Variants in RETREG1 observed in about 807,000 individuals in gnomAD.
RETREG1 encodes the protein family with sequence similarity 134 member B.
A neutral mutation model predicts 54.8 loss-of-function variants in RETREG1; 44 were observed. The observed-to-expected ratio is 0.80, with a 90% CI of 0.63 to 1.03. RETREG1 has a LOEUF of 1.03. Ranked by LOEUF, RETREG1 falls within the 50% of genes least tolerant of loss-of-function variation. The pLI, the probability that RETREG1 is intolerant of heterozygous loss-of-function variation, is 0.00. For synonymous variants in RETREG1, 217 were observed against 238.5 expected (o/e 0.91, Z 0.83); for missense variants, 554 against 605.1 (o/e 0.92, Z 0.89).
intron 3 of RETREG1, among the ~76,000 whole-genome samples, chr5:16,520,336 T>G (rs982608349): frequency 1.6e-4 from 25 of 152,094 alleles, no homozygotes; most frequent in Non-Finnish European, 2.8e-4. Context: ...TTGTTGTTGT[T>G]GTTGTTTTTT....
intron 1 of RETREG1, among the ~76,000 whole-genome samples, chr5:16,581,562 CACAAA>C (rs1468578771): frequency 7.4e-6 from 1 of 134,348 alleles, no homozygotes; most frequent in African/African-American, 2.7e-5. Context: ...CACACACACA[CACAAA>C]ACACACACAC....
chr5:16,610,576 C>T (rs1743313518), intron 1 of RETREG1, among the ~76,000 whole-genome samples: 2 of 152,078 alleles, frequency 1.3e-5, no homozygotes, highest in South Asian at 4.1e-4. Context: ...AATCGAACAA[C>T]CCCATCAAAA....
Position 16,483,137 on chromosome 5 carries a change from C to G in RETREG1, c.585+209G>C, listed in dbSNP as rs956249916. On this transcript the variant is annotated intron_variant, in intron 4 of 8. Transcript: ENST00000306320. ...GATAAATATATATAAAATGTAAAAC[C>G]AATCCAATTTCACAATGTGAGGCTG... 7.0e-6 allele frequency: 4 copies of G among 569,492 alleles called. No homozygotes were observed. The Admixed American group carries it at 1.2e-4, about 18-fold the overall frequency. 35.3% of individuals were successfully genotyped at this position (569,492 alleles called of 1,614,324 possible).
At position 16,478,137 on chromosome 5, in the gene RETREG1, C is replaced by A. The variant is rs373035182; in HGVS notation, c.809-39G>T. 74 of 1,347,004 alleles carry A rather than the reference C, an allele frequency of 5.5e-5. No individual in the cohort carries two copies. The African/African-American group carries it at 9.2e-4, about 17-fold the overall frequency. 83.4% of individuals were successfully genotyped at this position (1,347,004 alleles called of 1,614,324 possible). Reference sequence around the variant, plus strand: ...AATTTGGAAGCTTTCAGTTTCCTAGCCAACTCAGACATAGTGCATTTATTT... The same window carrying A: ...AATTTGGAAGCTTTCAGTTTCCTAGACAACTCAGACATAGTGCATTTATTT... On this transcript the variant is annotated intron_variant, in intron 6 of 8. Coordinates refer to ENST00000306320, the MANE Select transcript of RETREG1 (RefSeq NM_001034850.3).
chr5:16,480,004 A>G (rs1363512738), intron 5 of RETREG1, among the ~76,000 whole-genome samples: 1 of 152,068 alleles, frequency 6.6e-6, no homozygotes, highest in Non-Finnish European at 1.5e-5. Flanking sequence ...ACATGTATTT[A>G]AAGTGTACAA....
At chr5:16,600,531 G>GTGTT (rs1193540697) in intron 1 of RETREG1, among the ~76,000 whole-genome samples, 1 of 152,200 alleles carries the variant, frequency 6.6e-6, no homozygotes. Flanking sequence ...GGACCCCCAC[G>GTGTT]TGTTCATCAT....
rs188184627 is a variant in RETREG1, at chr5:16,584,435, A to G, written c.321-12333T>C. The stretch of plus-strand genomic sequence containing the variant: ...TGATTTTAAAAAATGAAATATATAT[A>G]ACTGTAGACCTAGCCCTAAACTGAG... On this transcript the variant is annotated intron_variant, in intron 1 of 8. Transcript: ENST00000306320. 4.0e-3 allele frequency among the ~76,000 whole-genome samples: 606 copies of G among 152,356 alleles called. 5 individuals are homozygous for G. The highest frequency in any genetic ancestry group is 0.014 in the African/African-American group (574 of 41,582).
chr5:16,492,221 TCTCTCTCTCA>T (rs1739275536), intron 3 of RETREG1, among the ~76,000 whole-genome samples: 1 of 137,512 alleles, frequency 7.3e-6, no homozygotes, highest in South Asian at 2.3e-4. Flanking sequence ...TCTCTCTCTC[TCTCTCTCTCA>T]CACACACACA....
intron 3 of RETREG1, among the ~76,000 whole-genome samples, chr5:16,495,104 G>GT (rs1739402292): frequency 6.6e-6 from 1 of 152,144 alleles, no homozygotes; most frequent in Non-Finnish European, 1.5e-5. Context: ...GATGATTTAG[G>GT]TATCTGGTGG....
intron 3 of RETREG1, among the ~76,000 whole-genome samples, chr5:16,548,964 G>C (rs1741460100): frequency 6.6e-6 from 1 of 152,206 alleles, no homozygotes; most frequent in Admixed American, 6.5e-5. Context: ...GCAAAATCTA[G>C]GTGGTGAGTA....
intron 3 of RETREG1, among the ~76,000 whole-genome samples, chr5:16,533,756 G>A (rs774419964): frequency 4.6e-5 from 7 of 152,156 alleles, no homozygotes; most frequent in Admixed American, 3.9e-4. Context: ...GGTCATAAAT[G>A]TTACCCAAAT....
intron 3 of RETREG1, among the ~76,000 whole-genome samples, chr5:16,496,707 T>A (rs947280064): frequency 6.6e-6 from 1 of 152,204 alleles, no homozygotes; most frequent in Non-Finnish European, 1.5e-5. Context: ...ATTTCATCAG[T>A]TTACATAATT....
chr5:16,605,576 C>T (rs1743164820), intron 1 of RETREG1, among the ~76,000 whole-genome samples: 1 of 152,200 alleles, frequency 6.6e-6, no homozygotes, highest in Non-Finnish European at 1.5e-5. Context: ...ACTAAGGTAT[C>T]TCATTGGGGT....
intron 1 of RETREG1, among the ~76,000 whole-genome samples, chr5:16,576,611 G>A (rs1452751499): frequency 1.3e-5 from 2 of 152,032 alleles, no homozygotes; most frequent in South Asian, 2.1e-4. Context: ...TCAGCCTCCC[G>A]AGTAGCTGGG....
chr5:16,609,132 T>C (rs1211844907), intron 1 of RETREG1, among the ~76,000 whole-genome samples: 2 of 152,170 alleles, frequency 1.3e-5, no homozygotes, highest in Non-Finnish European at 2.9e-5. Flanking sequence ...GAAGCTACCA[T>C]AACAGGCAGT....
chr5:16,517,926 C>T (rs950291071), intron 3 of RETREG1, among the ~76,000 whole-genome samples: 1 of 151,670 alleles, frequency 6.6e-6, no homozygotes, highest in African/African-American at 2.4e-5. Context: ...TTGTATGATT[C>T]AATGAAATCC....
Position 16,616,520 on chromosome 5 carries a change from G to T in RETREG1, c.320+132C>A, listed in dbSNP as rs563741722. The T allele has an allele frequency of 3.8e-5, 55 of 1,437,572 alleles. No individual in the cohort carries two copies. The African/African-American group carries it at 6.7e-4, about 18-fold the overall frequency. 89.1% of individuals were successfully genotyped at this position (1,437,572 alleles called of 1,614,324 possible). A position where few individuals can be genotyped will look rare whatever the true frequency, so the allele number is the denominator to read the frequency against. On this transcript the variant is annotated intron_variant, in intron 1 of 8. Transcript: ENST00000306320. ...CTACCTGTTCGAGACAGGTGGCCGA[G>T]AAAGTGGGGCAGGGCTGACAATTCT...
chr5:16,591,836 TG>T (rs1455807032), intron 1 of RETREG1, among the ~76,000 whole-genome samples: 1 of 152,126 alleles, frequency 6.6e-6, no homozygotes, highest in Non-Finnish European at 1.5e-5. Context: ...TGAAAAACAA[TG>T]CAGGGAACAA....
At chr5:16,477,872 T>G in intron 7 of RETREG1, 84 bp from the exon 8 acceptor site, 6 of 1,542,812 alleles carry the variant, frequency 3.9e-6, no homozygotes, top group Non-Finnish European at 5.4e-6. Flanking sequence ...ACCCCCAAAA[T>G]GACAGAGTAA....
Sources: gnomAD v4.1 joint callset for allele counts (sites outside exome capture counted in the v4.1 genomes callset) on GRCh38, gnomAD v4.1.1 for gene constraint, MANE v1.5 for transcripts, NCBI Gene and HGNC (gene_info 2026-07-23, HGNC 2026-07-21) for gene names.